RNLS: variants seen among roughly 807,000 people sequenced by gnomAD.
RNLS encodes the protein renalase, FAD dependent amine oxidase.
RNLS carries 39 observed loss-of-function variants against 39.8 expected under a neutral mutation model. The ratio of observed to expected loss-of-function variants is 0.98; its 90% CI spans 0.76 to 1.28. RNLS has a LOEUF of 1.28. Among genes scored for constraint, RNLS ranks in the 50% most tolerant of loss-of-function variants. The pLI is 0.00. For synonymous variants in RNLS, 147 were observed against 150.7 expected (o/e 0.98, Z 0.18); for missense variants, 410 against 413.3 (o/e 0.99, Z 0.07).
In RNLS at chr10:88,494,606, C is replaced by A. The variant is rs896012349; in HGVS notation, c.526+78297G>T. Among the ~76,000 whole-genome samples, 6 of 152,040 alleles carry A rather than the reference C, an allele frequency of 3.9e-5. No homozygotes were observed. In the East Asian group the frequency reaches 9.6e-4, roughly 24 times the overall value. Reference sequence around the variant, plus strand: ...TAAGTTTTTCTGAATATGAATGGTACATATTCAAAAACCAGCCTGGTGGAG... The same window carrying A: ...TAAGTTTTTCTGAATATGAATGGTAAATATTCAAAAACCAGCCTGGTGGAG... On this transcript the variant is annotated intron_variant, in intron 4 of 6. Transcript: ENST00000331772.
intron 4 of RNLS, among the ~76,000 whole-genome samples, chr10:88,481,761 T>A (rs1293449527): frequency 6.6e-6 from 1 of 152,224 alleles, no homozygotes; most frequent in African/African-American, 2.4e-5. Flanking sequence ...ATTATTAACC[T>A]ACATATCTAC....
intron 4 of RNLS, among the ~76,000 whole-genome samples, chr10:88,385,811 G>T (rs116309057): frequency 6.6e-6 from 1 of 152,172 alleles, no homozygotes; most frequent in Admixed American, 6.5e-5. Flanking sequence ...GTTGGGGGTA[G>T]GGGAGAAGAG....
intron 5 of RNLS, among the ~76,000 whole-genome samples, chr10:88,359,318 A>G (rs1016247605): frequency 6.6e-6 from 1 of 152,144 alleles, no homozygotes; most frequent in African/African-American, 2.4e-5. Flanking sequence ...TACATTAAAA[A>G]AAAAAAACAA....
chr10:88,207,704 G>C, the RNLS span, among the ~76,000 whole-genome samples: 1 of 152,140 alleles, frequency 6.6e-6, no homozygotes, highest in African/African-American at 2.4e-5. Context: ...CTTGGATAAA[G>C]GTTTTCTTTA....
At chr10:88,501,817 A>G (rs1321153626) in intron 4 of RNLS, among the ~76,000 whole-genome samples, 1 of 152,072 alleles carries the variant, frequency 6.6e-6, no homozygotes. Flanking sequence ...ACAATTATAT[A>G]TTTCTCTATA....
At chr10:88,213,050 C>G in the RNLS span, among the ~76,000 whole-genome samples, 11 of 152,158 alleles carry the variant, frequency 7.2e-5, no homozygotes, top group Admixed American at 2.0e-4. Flanking sequence ...CTCAGCCCAC[C>G]ATCGCCCTGC....
the RNLS span, among the ~76,000 whole-genome samples, chr10:88,179,866 C>T: frequency 6.6e-6 from 1 of 152,182 alleles, no homozygotes; most frequent in Admixed American, 6.5e-5. Flanking sequence ...TAAGTATAAT[C>T]CCCAGGGTGG....
At chr10:88,302,108 T>C (rs1844573267) in intron 6 of RNLS, among the ~76,000 whole-genome samples, 1 of 152,218 alleles carries the variant, frequency 6.6e-6, no homozygotes, top group South Asian at 2.1e-4. Context: ...GCATGTTCAG[T>C]TGTTACCATT....
intron 4 of RNLS, among the ~76,000 whole-genome samples, chr10:88,442,963 T>G (rs1352685838): frequency 6.6e-6 from 1 of 152,214 alleles, no homozygotes; most frequent in Non-Finnish European, 1.5e-5. Flanking sequence ...CCCCTTAAAT[T>G]TGGCGTTCCC....
chr10:88,262,910 CT>C, the RNLS span, among the ~76,000 whole-genome samples: 1 of 152,088 alleles, frequency 6.6e-6, no homozygotes, highest in Non-Finnish European at 1.5e-5. Context: ...TCTATGGAGT[CT>C]GCTTGTGTTA....
chr10:88,421,571 T>C (rs996432848), intron 4 of RNLS, among the ~76,000 whole-genome samples: 1 of 152,210 alleles, frequency 6.6e-6, no homozygotes, highest in African/African-American at 2.4e-5. Context: ...GGTCTTCTAA[T>C]TAGATCACCT....
At chr10:88,377,668 A>C (rs1851124655) in intron 4 of RNLS, among the ~76,000 whole-genome samples, 1 of 152,210 alleles carries the variant, frequency 6.6e-6, no homozygotes, top group African/African-American at 2.4e-5. Context: ...CTTACCATAG[A>C]TAGAGATTGC....
At chr10:88,382,464 A>G (rs1296265422) in intron 4 of RNLS, among the ~76,000 whole-genome samples, 1 of 152,158 alleles carries the variant, frequency 6.6e-6, no homozygotes, top group Admixed American at 6.5e-5. Flanking sequence ...ACAAAAATAA[A>G]AAGTGCAAAT....
chr10:88,371,361 G>A (rs774210850), intron 4 of RNLS, among the ~76,000 whole-genome samples: 1 of 152,078 alleles, frequency 6.6e-6, no homozygotes, highest in Non-Finnish European at 1.5e-5. Context: ...TAATAGTCAA[G>A]CATATCAGGA....
chr10:88,483,688 T>A (rs745662563), intron 4 of RNLS, among the ~76,000 whole-genome samples: 1 of 152,132 alleles, frequency 6.6e-6, no homozygotes, highest in Non-Finnish European at 1.5e-5. Context: ...TCTTGACAAT[T>A]TCTGGTTTCC....
the RNLS span, among the ~76,000 whole-genome samples, chr10:88,252,679 CA>C: frequency 0.78 from 118,530 of 152,094 alleles, 46,224 homozygotes; most frequent in Middle Eastern, 0.89. Context: ...CTGTGAACAT[CA>C]ATCAGCCAGC....
At chr10:88,226,381 G>T in the RNLS span, among the ~76,000 whole-genome samples, 1 of 152,160 alleles carries the variant, frequency 6.6e-6, no homozygotes, top group Non-Finnish European at 1.5e-5. Flanking sequence ...AGTTGGAGAA[G>T]AATTTCAGCT....
chr10:88,466,093 G>A (rs906427726), intron 4 of RNLS, among the ~76,000 whole-genome samples: 4 of 152,062 alleles, frequency 2.6e-5, no homozygotes, highest in African/African-American at 9.7e-5. Flanking sequence ...AGGGAGAAAA[G>A]GACATTCACT....
At chr10:88,490,222 C>T (rs1292786460) in intron 4 of RNLS, among the ~76,000 whole-genome samples, 1 of 152,064 alleles carries the variant, frequency 6.6e-6, no homozygotes, top group Non-Finnish European at 1.5e-5. Flanking sequence ...ATTTGCAGTG[C>T]CTCAACGTTA....
Sources: allele counts gnomAD v4.1 joint callset (sites outside exome capture counted in the v4.1 genomes callset), GRCh38; gene constraint gnomAD v4.1.1; transcripts MANE v1.5; gene names NCBI Gene and HGNC (gene_info 2026-07-23, HGNC 2026-07-21).